Variants in SLC35D1 observed in about 807,000 individuals in gnomAD.
SLC35D1 encodes the protein nucleotide sugar transporter SLC35D1.
A neutral mutation model predicts 46.7 loss-of-function variants in SLC35D1; 31 were observed. The observed-to-expected ratio is 0.66, with a 90% CI of 0.50 to 0.90. The LOEUF (loss-of-function observed/expected upper bound fraction) is 0.90, where lower values mean the gene tolerates loss of function less well. SLC35D1 is among the 40% of genes least tolerant of loss of function. SLC35D1 has a pLI of 0.00. For synonymous variants in SLC35D1, 195 were observed against 164.6 expected, an observed-to-expected ratio of 1.18 and a Z score of -1.41; for missense variants, 397 against 426.2, an observed-to-expected ratio of 0.93 and a Z score of 0.60.
Position 67,052,960 on chromosome 1 carries a change from C to T in SLC35D1, c.233G>A (p.Gly78Asp). 1 of 1,614,018 alleles carries T rather than the reference C, an allele frequency of 6.2e-7. No individual in the cohort carries two copies. Among genetic ancestry groups the T allele is most frequent in the South Asian group, 1.1e-5 (1 of 91,080 alleles). ...RFPSSLCVGL[G>D]QMVATVAVLW... Reference sequence around the variant, plus strand: ...ATGGTGAGGATTCCAACTAACCTGGCCAAGTCCAACACATAGTGAGGAGGG... The same window carrying T: ...ATGGTGAGGATTCCAACTAACCTGGTCAAGTCCAACACATAGTGAGGAGGG... Residue 78 changes from glycine to aspartate, a missense_variant, in exon 2 of 12, where the codon GGC becomes GAC. Coordinates refer to ENST00000235345, the MANE Select transcript of SLC35D1 (RefSeq NM_015139.3).
At chr1:66,976,689 G>T in the SLC35D1 span, 1 of 1,605,802 alleles carries the variant, frequency 6.2e-7, no homozygotes, top group Non-Finnish European at 8.5e-7. Context: ...ACACGATTTG[G>T]AAAGAAGAAA....
the SLC35D1 span, among the ~76,000 whole-genome samples, chr1:66,989,678 C>G: frequency 0.11 from 17,399 of 152,102 alleles, 2,407 homozygotes; most frequent in African/African-American, 0.34. Flanking sequence ...TTGCCCCGGC[C>G]ACTCTGGAAA....
the SLC35D1 span, chr1:66,988,142 TAGTA>T: frequency 6.8e-6 from 1 of 146,268 alleles, no homozygotes; most frequent in Non-Finnish European, 1.5e-5. Context: ...CCAAATCAGA[TAGTA>T]AGGTTTTCCC....
chr1:67,026,708 G>C (rs1221813613), intron 8 of SLC35D1, among the ~76,000 whole-genome samples: 4 of 152,120 alleles, frequency 2.6e-5, no homozygotes, highest in African/African-American at 4.8e-5. Flanking sequence ...TTTAATTACT[G>C]TATTAGTCTC....
At chr1:67,021,696 CACAGACACAGACACAGACACAG>C in intron 8 of SLC35D1, 94 bp from the exon 9 acceptor site, 10 of 131,798 alleles carry the variant, frequency 7.6e-5, no homozygotes. Flanking sequence ...CTGCCTCCAA[CACAGACACAGACACAGACACAG>C]ACACAGACAC....
chr1:67,009,035 T>C (rs768558320), intron 11 of SLC35D1, 50 bp downstream of exon 11: 2 of 866,486 alleles, frequency 2.3e-6, no homozygotes, highest in Non-Finnish European at 3.9e-6. Context: ...TGTGACACTA[T>C]TTGAATATCC....
intron 8 of SLC35D1, among the ~76,000 whole-genome samples, chr1:67,033,012 C>T (rs927838606): frequency 1.3e-5 from 2 of 152,126 alleles, no homozygotes; most frequent in Non-Finnish European, 2.9e-5. Flanking sequence ...TTTTTCTGTG[C>T]CTGCCTTATT....
chr1:66,993,402 T>G, the SLC35D1 span, among the ~76,000 whole-genome samples: 1 of 152,070 alleles, frequency 6.6e-6, no homozygotes, highest in Non-Finnish European at 1.5e-5. Context: ...AAGACAAGAG[T>G]CCCTCTTGTA....
At chr1:67,020,234 C>T (rs865777905) in intron 10 of SLC35D1, 135 bp downstream of exon 10, 12 of 674,558 alleles carry the variant, frequency 1.8e-5, no homozygotes, top group South Asian at 1.1e-4. Flanking sequence ...GAAACTATCA[C>T]CACAATTTGT....
rs185224234 is a variant in SLC35D1 at position 67,030,702 on chromosome 1, C to T, written c.730-9100G>A. 1.1e-3 allele frequency among the ~76,000 whole-genome samples: 173 copies of T among 152,140 alleles called. 1 individual carries two copies. The highest frequency in any genetic ancestry group is 2.4e-3 in the Admixed American group (36 of 15,274). On this transcript the variant is annotated intron_variant, in intron 8 of 11. Transcript: ENST00000235345. ...TCTTCTCTCCTCTAGCTCTAAATAT[C>T]TCCTCTGCTTTCGGTGTACAATTCT...
At chr1:66,980,747 T>C in the SLC35D1 span, among the ~76,000 whole-genome samples, 23 of 152,160 alleles carry the variant, frequency 1.5e-4, no homozygotes, top group South Asian at 4.2e-4. Flanking sequence ...GTGGTGCAGG[T>C]ATAAACAAAG....
the SLC35D1 span, among the ~76,000 whole-genome samples, chr1:66,993,164 A>G: frequency 1.3e-5 from 2 of 152,214 alleles, no homozygotes; most frequent in Admixed American, 1.3e-4. Context: ...CAGCTGGAAA[A>G]AAGACGTTAG....
intron 10 of SLC35D1, among the ~76,000 whole-genome samples, chr1:67,018,001 AC>A (rs2102270356): frequency 6.6e-6 from 1 of 152,268 alleles, no homozygotes; most frequent in Non-Finnish European, 1.5e-5. Flanking sequence ...AAAATATTTT[AC>A]CCCAAAATAT....
the SLC35D1 span, among the ~76,000 whole-genome samples, chr1:66,979,926 G>A: frequency 1.3e-5 from 2 of 151,888 alleles, no homozygotes; most frequent in African/African-American, 4.8e-5. Context: ...CACCACACCC[G>A]GCTAATTTTG....
intron 10 of SLC35D1, among the ~76,000 whole-genome samples, chr1:67,009,724 A>G (rs1272639079): frequency 1.3e-5 from 2 of 152,152 alleles, no homozygotes; most frequent in Admixed American, 6.5e-5. Flanking sequence ...TTATTTATAC[A>G]CTGTTGGGGG....
At chr1:67,037,652 C>T (rs1398303477) in intron 8 of SLC35D1, among the ~76,000 whole-genome samples, 3 of 152,220 alleles carry the variant, frequency 2.0e-5, no homozygotes, top group African/African-American at 7.2e-5. Flanking sequence ...CTTGAGGCAA[C>T]CATTCCCCAT....
intron 8 of SLC35D1, chr1:67,032,008 G>A: frequency 3.1e-6 from 3 of 965,538 alleles, no homozygotes; most frequent in Non-Finnish European, 1.2e-6. Context: ...GAGCCATTGT[G>A]AAGAGAATGA....
At chr1:66,997,268 T>C (rs947493137), downstream of SLC35D1, among the ~76,000 whole-genome samples, 4 of 152,004 alleles carry the variant, frequency 2.6e-5, no homozygotes, top group Admixed American at 2.6e-4. Context: ...CTTAGCATTT[T>C]GGGAGACCCA....
chr1:67,013,385 AAAAAT>A (rs563461343), intron 10 of SLC35D1, among the ~76,000 whole-genome samples: 15 of 151,480 alleles, frequency 9.9e-5, no homozygotes, highest in East Asian at 3.9e-4. Context: ...TGTTTCTATA[AAAAAT>A]AAAATAAAAT....
Sources: allele counts gnomAD v4.1 joint callset (sites outside exome capture counted in the v4.1 genomes callset), GRCh38; gene constraint gnomAD v4.1.1; transcripts MANE v1.5; gene names NCBI Gene and HGNC (gene_info 2026-07-23, HGNC 2026-07-21).